The following NAALADL2 variants were observed in gnomAD, a reference collection of about 807,000 sequenced individuals.
The protein encoded by NAALADL2 is N-acetylated alpha-linked acidic dipeptidase like 2.
Under a neutral mutation model 87.2 loss-of-function variants are expected in NAALADL2, and 76 were observed. That is an observed-to-expected ratio of 0.87 (90% confidence interval 0.72 to 1.05). The LOEUF (loss-of-function observed/expected upper bound fraction) is 1.05, where lower values mean the gene tolerates loss of function less well. NAALADL2 is among the 50% of genes least tolerant of loss of function. NAALADL2 has a pLI of 0.00. For missense variants in NAALADL2, 1,089 were observed against 945.8 expected, an observed-to-expected ratio of 1.15 and a Z score of -1.99; for synonymous variants, 354 against 331.0, an observed-to-expected ratio of 1.07 and a Z score of -0.75.
chr3:174,463,540 C>A (rs761479303), intron 1 of NAALADL2, among the ~76,000 whole-genome samples: 20 of 151,612 alleles, frequency 1.3e-4, no homozygotes, highest in Non-Finnish European at 2.8e-4. Flanking sequence ...GTAGGCATAT[C>A]TCAAGTTCTT....
chr3:175,245,931 T>G (rs1747891093), intron 3 of NAALADL2, among the ~76,000 whole-genome samples: 1 of 152,180 alleles, frequency 6.6e-6, no homozygotes, highest in Non-Finnish European at 1.5e-5. Flanking sequence ...ACTGGAACAC[T>G]ATTTTGATAA....
At chr3:175,389,223 T>C (rs1200743316) in intron 5 of NAALADL2, among the ~76,000 whole-genome samples, 2 of 152,168 alleles carry the variant, frequency 1.3e-5, no homozygotes. Context: ...ACATAAAGCA[T>C]TTTTACATTG....
At chr3:174,522,660 T>C (rs1270842118) in intron 1 of NAALADL2, among the ~76,000 whole-genome samples, 1 of 151,024 alleles carries the variant, frequency 6.6e-6, no homozygotes, top group East Asian at 2.0e-4. Flanking sequence ...AAAGGCCGGG[T>C]GCAGTGGCTC....
chr3:175,140,898 C>T (rs547318725), intron 2 of NAALADL2, among the ~76,000 whole-genome samples: 4 of 152,106 alleles, frequency 2.6e-5, no homozygotes, highest in African/African-American at 9.6e-5. Context: ...TTTTGCTTGG[C>T]AGTAAATCAC....
At chr3:174,990,030 T>C (rs1408393559) in intron 1 of NAALADL2, among the ~76,000 whole-genome samples, 1 of 152,078 alleles carries the variant, frequency 6.6e-6, no homozygotes, top group Non-Finnish European at 1.5e-5. Context: ...AGAGATTTCC[T>C]ATTGAAAAAA....
intron 11 of NAALADL2, among the ~76,000 whole-genome samples, chr3:175,692,445 G>A (rs1473249230): frequency 2.0e-5 from 3 of 152,002 alleles, no homozygotes; most frequent in African/African-American, 7.2e-5. Context: ...CCCATTGTGT[G>A]GCAATTCTGG....
intron 9 of NAALADL2, among the ~76,000 whole-genome samples, chr3:175,574,072 T>A (rs1348639176): frequency 6.6e-6 from 1 of 152,208 alleles, no homozygotes; most frequent in African/African-American, 2.4e-5. Flanking sequence ...AACTAGATAG[T>A]TATTAAAACA....
At chr3:174,650,825 C>T (rs1724284452) in intron 2 of NAALADL2, among the ~76,000 whole-genome samples, 2 of 152,100 alleles carry the variant, frequency 1.3e-5, no homozygotes, top group Admixed American at 6.6e-5. Context: ...GCACGCCAGG[C>T]TTCAGTGAAG....
chr3:175,279,604 C>T (rs1352813276), intron 4 of NAALADL2, among the ~76,000 whole-genome samples: 2 of 151,648 alleles, frequency 1.3e-5, no homozygotes, highest in Non-Finnish European at 2.9e-5. Context: ...ACTTTAATTC[C>T]TAGTTCAAAC....
chr3:174,768,962 C>T (rs573960629), intron 3 of NAALADL2, among the ~76,000 whole-genome samples: 92 of 151,824 alleles, frequency 6.1e-4, no homozygotes, highest in African/African-American at 2.0e-3. Context: ...ATTAACTTAT[C>T]GCTATGGGTT....
intron 11 of NAALADL2, among the ~76,000 whole-genome samples, chr3:175,732,718 T>C (rs1299679715): frequency 1.3e-5 from 2 of 152,060 alleles, no homozygotes; most frequent in African/African-American, 4.8e-5. Context: ...TATGTCAAAG[T>C]CTTATTTTGC....
intron 4 of NAALADL2, among the ~76,000 whole-genome samples, chr3:175,314,236 G>A (rs550125482): frequency 1.3e-5 from 2 of 151,836 alleles, no homozygotes; most frequent in Non-Finnish European, 2.9e-5. Flanking sequence ...GGACCTATAG[G>A]TTTATGTACT....
At chr3:175,446,069 T>C (rs1720635305) in intron 5 of NAALADL2, among the ~76,000 whole-genome samples, 1 of 152,168 alleles carries the variant, frequency 6.6e-6, no homozygotes, top group Admixed American at 6.5e-5. Context: ...TGGAGGATGT[T>C]GTGGGTGAGT....
chr3:174,866,275 A>G (rs1357182608), intron 1 of NAALADL2, among the ~76,000 whole-genome samples: 11 of 151,812 alleles, frequency 7.2e-5, no homozygotes, highest in Admixed American at 7.2e-4. Context: ...GAGAGAAGGA[A>G]AATACTATTA....
At chr3:174,506,146 C>T (rs953509199) in intron 1 of NAALADL2, among the ~76,000 whole-genome samples, 7 of 150,810 alleles carry the variant, frequency 4.6e-5, no homozygotes, top group African/African-American at 1.5e-4. Context: ...CAACTTGCTT[C>T]GTACATCTTT....
chr3:174,662,028 T>TATATAGCTCATCCTCAG (rs1725551859), intron 2 of NAALADL2, among the ~76,000 whole-genome samples: 1 of 152,186 alleles, frequency 6.6e-6, no homozygotes, highest in African/African-American at 2.4e-5. Context: ...TGACATAAGC[T>TATATAGCTCATCCTCAG]ATATAGCTCA....
chr3:174,741,357 T>C (rs1382328131), intron 3 of NAALADL2, among the ~76,000 whole-genome samples: 1 of 151,654 alleles, frequency 6.6e-6, no homozygotes, highest in Admixed American at 6.6e-5. Context: ...TTGATAAAAT[T>C]GTTGAAATAT....
chr3:175,143,345 T>C (rs1035943452), intron 2 of NAALADL2, among the ~76,000 whole-genome samples: 1 of 151,912 alleles, frequency 6.6e-6, no homozygotes, highest in Non-Finnish European at 1.5e-5. Context: ...GTAATGACTA[T>C]TCCCTTTGAT....
chr3:175,426,676 T>C (rs181374264), intron 5 of NAALADL2, among the ~76,000 whole-genome samples: 1 of 151,246 alleles, frequency 6.6e-6, no homozygotes, highest in African/African-American at 2.4e-5. Flanking sequence ...TCCTTTCTCA[T>C]ATGCAAAGTT....
Sources: allele counts gnomAD v4.1 joint callset (sites outside exome capture counted in the v4.1 genomes callset), GRCh38; gene constraint gnomAD v4.1.1; transcripts MANE v1.5; gene names NCBI Gene and HGNC (gene_info 2026-07-23, HGNC 2026-07-21).